PRIM2: variants seen among roughly 807,000 people sequenced by gnomAD.
PRIM2 encodes the protein DNA primase subunit 2, also known as DNA primase large subunit.
In PRIM2, 39 loss-of-function variants were observed where a neutral mutation model predicts 67.3. The ratio of observed to expected loss-of-function variants is 0.58; its 90% CI spans 0.45 to 0.76. PRIM2 has a LOEUF of 0.76. Among genes scored for constraint, PRIM2 ranks in the 30% least tolerant of loss-of-function variants. PRIM2 has a pLI of 0.00. For synonymous variants in PRIM2, 143 were observed against 198.7 expected (o/e 0.72, Z 2.36); for missense variants, 398 against 598.7 (o/e 0.66, Z 3.50).
At chr6:57,401,114 G>A (rs1376669551) in intron 7 of PRIM2, among the ~76,000 whole-genome samples, 1 of 152,166 alleles carries the variant, frequency 6.6e-6, no homozygotes, top group East Asian at 1.9e-4. Context: ...AGCCAGCTCA[G>A]CCTGGTTGAC....
the PRIM2 span, among the ~76,000 whole-genome samples, chr6:57,284,700 G>A: frequency 0.058 from 8,754 of 152,130 alleles, 267 homozygotes; most frequent in Non-Finnish European, 0.072. Flanking sequence ...TTAATAAATA[G>A]TCCAACTTTT....
intron 12 of PRIM2, among the ~76,000 whole-genome samples, chr6:57,610,161 C>T (rs1241911299): frequency 5.9e-5 from 9 of 152,114 alleles, no homozygotes; most frequent in Non-Finnish European, 1.2e-4. Flanking sequence ...CTCCACCTGC[C>T]GGCTTCAAGT....
In PRIM2 at chr6:57,513,932, C is replaced by T. The variant is rs1554347968; in HGVS notation, c.761+6478C>T. ...GCGTATTTGTCACACCACAATTTTG[C>T]GAGCATATTTCAGCCCAAGAATGAA... On this transcript the variant is annotated intron_variant, in intron 8 of 13. Transcript: ENST00000615550. 2.6e-3 allele frequency among the ~76,000 whole-genome samples: 399 copies of T among 152,192 alleles called. 2 individuals carry two copies. The highest frequency in any genetic ancestry group is 4.8e-3 in the Non-Finnish European group (326 of 68,004).
the PRIM2 span, among the ~76,000 whole-genome samples, chr6:57,263,084 G>C: frequency 3.9e-5 from 6 of 152,080 alleles, no homozygotes; most frequent in Non-Finnish European, 4.4e-5. Flanking sequence ...GATTCTCAAT[G>C]GTTGATGAAT....
Position 57,594,715 on chromosome 6 carries a change from T to C in PRIM2, c.1021-6378T>C, listed in dbSNP as rs1266104526. On this transcript the variant is annotated intron_variant, in intron 10 of 13. Transcript: ENST00000615550. The stretch of plus-strand genomic sequence containing the variant: ...AGACTTAAAAGCTAAAACATTACAA[T>C]TTCTAAAGGACAACATAAAAATATC... Among the ~76,000 whole-genome samples the C allele has an allele frequency of 9.2e-5, 14 of 152,306 alleles. No individual in the cohort carries two copies. The South Asian group carries it at 2.7e-3, about 29-fold the overall frequency.
At chr6:57,335,763 A>G (rs1340899786) in intron 5 of PRIM2, among the ~76,000 whole-genome samples, 2 of 152,198 alleles carry the variant, frequency 1.3e-5, no homozygotes, top group African/African-American at 2.4e-5. Context: ...TGGGGAAAAA[A>G]CAGAACAGAA....
chr6:57,265,104 T>C, the PRIM2 span, among the ~76,000 whole-genome samples: 3 of 152,238 alleles, frequency 2.0e-5, no homozygotes, highest in East Asian at 5.8e-4. Flanking sequence ...AAAATGTTTA[T>C]ATATGTTATC....
intron 10 of PRIM2, among the ~76,000 whole-genome samples, chr6:57,569,108 T>C (rs1414911334): frequency 1.3e-5 from 2 of 151,812 alleles, no homozygotes; most frequent in African/African-American, 2.4e-5. Flanking sequence ...TGGTTCATTT[T>C]ATCATTCTGG....
At chr6:57,420,949 G>T (rs570990788) in intron 7 of PRIM2, among the ~76,000 whole-genome samples, 7 of 152,316 alleles carry the variant, frequency 4.6e-5, no homozygotes, top group Admixed American at 4.6e-4. Context: ...ATTCAAGGTT[G>T]CATTGAAATT....
chr6:57,430,136 A>G (rs1424818727), intron 7 of PRIM2, among the ~76,000 whole-genome samples: 13 of 152,278 alleles, frequency 8.5e-5, no homozygotes, highest in South Asian at 2.1e-4. Flanking sequence ...GTCACAATCA[A>G]ATAGCCCTTT....
the PRIM2 span, among the ~76,000 whole-genome samples, chr6:57,224,295 T>C: frequency 2.6e-5 from 4 of 152,048 alleles, no homozygotes; most frequent in Admixed American, 6.5e-5. Flanking sequence ...TTCTGACACA[T>C]GTTATAGCAT....
At chr6:57,352,474 C>T (rs1581819301) in intron 5 of PRIM2, among the ~76,000 whole-genome samples, 3 of 152,112 alleles carry the variant, frequency 2.0e-5, no homozygotes, top group Admixed American at 6.5e-5. Context: ...CTCCTGAGCT[C>T]GTGATCCATC....
At chr6:57,496,899 T>G (rs1394465124) in intron 7 of PRIM2, among the ~76,000 whole-genome samples, 5 of 152,142 alleles carry the variant, frequency 3.3e-5, no homozygotes, top group Non-Finnish European at 5.9e-5. Context: ...AGTGAAAAGA[T>G]CCAGAATTGT....
chr6:57,588,386 G>T (rs1472630772), intron 10 of PRIM2, among the ~76,000 whole-genome samples: 1 of 150,096 alleles, frequency 6.7e-6, no homozygotes, highest in Admixed American at 6.7e-5. Flanking sequence ...GGTAGATTGT[G>T]TTGTCCTGGT....
intron 7 of PRIM2, among the ~76,000 whole-genome samples, chr6:57,404,564 T>C (rs1322419991): frequency 2.6e-5 from 4 of 151,932 alleles, no homozygotes; most frequent in Non-Finnish European, 5.9e-5. Context: ...TGAAGTGCTG[T>C]ACATGCAGAA....
chr6:57,522,638 G>A (rs1315708930), intron 8 of PRIM2, among the ~76,000 whole-genome samples: 13 of 151,920 alleles, frequency 8.6e-5, no homozygotes, highest in African/African-American at 3.1e-4. Context: ...ACAGATATGT[G>A]CCACCACACC....
At chr6:57,590,313 A>G (rs1212240499) in intron 10 of PRIM2, among the ~76,000 whole-genome samples, 3 of 152,248 alleles carry the variant, frequency 2.0e-5, no homozygotes, top group Admixed American at 2.0e-4. Context: ...TCATGGACCA[A>G]AAACTGTTAA....
intron 12 of PRIM2, among the ~76,000 whole-genome samples, chr6:57,629,442 GA>G (rs1777007354): frequency 6.6e-6 from 1 of 152,090 alleles, no homozygotes; most frequent in African/African-American, 2.4e-5. Context: ...AGTTATTTAG[GA>G]AATCAGTTGG....
intron 7 of PRIM2, among the ~76,000 whole-genome samples, chr6:57,500,647 T>G (rs1462604732): frequency 1.9e-4 from 29 of 152,246 alleles, no homozygotes; most frequent in Non-Finnish European, 3.5e-4. Flanking sequence ...ATGATTTGAT[T>G]AGTTAAGGCG....
Sources: allele counts gnomAD v4.1 joint callset (sites outside exome capture counted in the v4.1 genomes callset), GRCh38; gene constraint gnomAD v4.1.1; transcripts MANE v1.5; gene names NCBI Gene and HGNC (gene_info 2026-07-23, HGNC 2026-07-21).